The following SH3KBP1 variants were observed in gnomAD, a reference collection of about 807,000 sequenced individuals.
The protein encoded by SH3KBP1 is SH3 domain-containing kinase-binding protein 1.
In SH3KBP1, 8 loss-of-function variants were observed where a neutral mutation model predicts 50.1. That is an observed-to-expected ratio of 0.16 (90% CI 0.09 to 0.29). The LOEUF (loss-of-function observed/expected upper bound fraction) is 0.29, where lower values mean the gene tolerates loss of function less well. SH3KBP1 is among the 10% of genes least tolerant of loss of function. The probability of loss-of-function intolerance (pLI) is 1.00; values close to 1 mark genes in which losing one functional copy is unlikely to be tolerated. For synonymous variants in SH3KBP1, 227 were observed against 218.6 expected, an observed-to-expected ratio of 1.04 and a Z score of -0.34; for missense variants, 377 against 535.2, an observed-to-expected ratio of 0.70 and a Z score of 2.92.
At chrX:19,546,712 C>T in intron 14 of SH3KBP1, among the ~76,000 whole-genome samples, 1 of 112,303 alleles carries the variant, frequency 8.9e-6, no homozygotes, top group Middle Eastern at 4.6e-3. Context: ...GCTGCTAAAT[C>T]TCTGCCCTCA....
At position 19,592,079 on chromosome X, in the gene SH3KBP1, T is replaced by C. The variant is rs1280111463; in HGVS notation, c.1126A>G (p.Thr376Ala). 1 of 1,203,962 alleles carries C rather than the reference T, an allele frequency of 8.3e-7. No individual in the cohort carries two copies. Among genetic ancestry groups the C allele is most frequent in the Non-Finnish European group, 1.1e-6 (1 of 888,925 alleles). The change falls in exon 11 of 18, where the codon ACA (threonine) becomes GCA (alanine). Residue 376 changes from threonine to alanine, a missense_variant. Around this residue, in one of 3 missense-constraint regions of SH3KBP1, gnomAD observed 257 missense variants for 374.2 expected, o/e 0.69. Coordinates refer to ENST00000397821, the MANE Select transcript of SH3KBP1 (RefSeq NM_031892.3). ...PERPEMLPNR[T>A]EEKERPEREP... is the part of the protein sequence containing the mutation. The stretch of plus-strand genomic sequence containing the variant: ...ATTGATTTCATACCTTTTTCTTCTG[T>C]TCTGTTTGGAAGCATTTCTGGTCTT...
intron 3 of SH3KBP1, among the ~76,000 whole-genome samples, chrX:19,719,891 A>C (rs1447966740): frequency 5.6e-5 from 6 of 106,859 alleles, no homozygotes; most frequent in Non-Finnish European, 1.2e-4. Flanking sequence ...AATAATAATA[A>C]TAATAATAGA....
At chrX:19,628,216 C>T (rs2061498394) in intron 8 of SH3KBP1, among the ~76,000 whole-genome samples, 1 of 112,142 alleles carries the variant, frequency 8.9e-6, no homozygotes, top group Admixed American at 9.5e-5. Context: ...TTTTAACCTA[C>T]TTAACGTCAT....
intron 7 of SH3KBP1, among the ~76,000 whole-genome samples, chrX:19,636,585 CATA>C (rs1793338737): frequency 8.9e-6 from 1 of 111,794 alleles, no homozygotes. Context: ...TAGAAATTTA[CATA>C]ATATTAAAAA....
intron 2 of SH3KBP1, among the ~76,000 whole-genome samples, chrX:19,823,056 T>A (rs908255400): frequency 9.0e-6 from 1 of 111,627 alleles, no homozygotes; most frequent in Non-Finnish European, 1.9e-5. Flanking sequence ...ATTCCTTTAA[T>A]TAATTCCTTT....
At position 19,857,120 on chromosome X, in the gene SH3KBP1, G is replaced by A. The variant is rs185775018; in HGVS notation, c.5-20838C>T. ...CCTCTCTCAGAGCTTTCCAACCTAA[G>A]GACTGGAGGCGGGGAGGGCAGGGTG... On this transcript the variant is annotated intron_variant, in intron 1 of 17. Transcript: ENST00000397821. 8.4e-3 allele frequency among the ~76,000 whole-genome samples: 904 copies of A among 107,774 alleles called. 15 individuals carry two copies. Among genetic ancestry groups the A allele is most frequent in the African/African-American group, 0.029 (852 of 29,649 alleles). The allele number at this position is 107,774 out of a possible 115,157, so 93.6% of individuals were successfully genotyped here. A position where few individuals can be genotyped will look rare whatever the true frequency, so the allele number is the denominator to read the frequency against.
At chrX:19,770,210 C>G (rs2065747844) in intron 2 of SH3KBP1, among the ~76,000 whole-genome samples, 1 of 111,387 alleles carries the variant, frequency 9.0e-6, no homozygotes, top group Non-Finnish European at 1.9e-5. Flanking sequence ...ACCCTCTACC[C>G]TTAAGTAGGC....
At chrX:19,871,126 A>G (rs1421792696) in intron 1 of SH3KBP1, among the ~76,000 whole-genome samples, 1 of 112,469 alleles carries the variant, frequency 8.9e-6, no homozygotes, top group Non-Finnish European at 1.9e-5. Flanking sequence ...TAAAATTTAT[A>G]TCTTTCCTTC....
chrX:19,541,891 G>C (rs750621543), intron 16 of SH3KBP1, 34 bp downstream of exon 16: 14 of 1,180,972 alleles, frequency 1.2e-5, no homozygotes, highest in Non-Finnish European at 1.6e-5. Context: ...AGAGCAACCT[G>C]GGTGACGGCC....
At chrX:19,639,482 A>G (rs2061799966) in intron 7 of SH3KBP1, among the ~76,000 whole-genome samples, 1 of 111,441 alleles carries the variant, frequency 9.0e-6, no homozygotes, top group African/African-American at 3.3e-5. Context: ...AGTCTTTGGG[A>G]GAAAGAAAAC....
At chrX:19,540,988 C>G (rs56088369) in intron 16 of SH3KBP1, among the ~76,000 whole-genome samples, 6,839 of 110,229 alleles carry the variant, frequency 0.062, 553 homozygotes, top group African/African-American at 0.21. Flanking sequence ...AATCTTGGCT[C>G]ACTGCAACCT....
intron 6 of SH3KBP1, among the ~76,000 whole-genome samples, chrX:19,673,243 C>G (rs1940730234): frequency 9.0e-6 from 1 of 110,782 alleles, no homozygotes; most frequent in South Asian, 3.8e-4. Flanking sequence ...AAAGATAAAC[C>G]TGCTGAATGC....
intron 8 of SH3KBP1, among the ~76,000 whole-genome samples, chrX:19,610,589 C>T (rs190829480): frequency 1.8e-5 from 2 of 111,866 alleles, no homozygotes; most frequent in African/African-American, 6.5e-5. Context: ...TATATTTAAG[C>T]TCTGTAAGCA....
chrX:19,543,533 T>C (rs920506542), intron 15 of SH3KBP1, among the ~76,000 whole-genome samples: 1 of 111,381 alleles, frequency 9.0e-6, no homozygotes, highest in African/African-American at 3.3e-5. Flanking sequence ...TCCTGGCAGA[T>C]GACCACCTGG....
chrX:19,828,430 G>C (rs1265748135), intron 2 of SH3KBP1, among the ~76,000 whole-genome samples: 3 of 111,679 alleles, frequency 2.7e-5, no homozygotes, highest in African/African-American at 9.8e-5. Flanking sequence ...CCCAACACTT[G>C]GGCAGGCCAA....
chrX:19,865,974 T>C (rs1199599892), intron 1 of SH3KBP1, among the ~76,000 whole-genome samples: 1 of 111,962 alleles, frequency 8.9e-6, no homozygotes, highest in East Asian at 2.8e-4. Context: ...TTCTAAGCAA[T>C]TACTCCCTAG....
At chrX:19,872,607 TA>T (rs762684196) in intron 1 of SH3KBP1, among the ~76,000 whole-genome samples, 8 of 104,895 alleles carry the variant, frequency 7.6e-5, no homozygotes, top group Admixed American at 2.1e-4. Context: ...TCATCTCTGC[TA>T]AAAAAAAAAT....
chrX:19,747,411 A>C (rs1197800491), intron 2 of SH3KBP1, among the ~76,000 whole-genome samples: 2 of 111,507 alleles, frequency 1.8e-5, no homozygotes, highest in African/African-American at 6.5e-5. Flanking sequence ...GAAAAGTGAA[A>C]GCTTAGGGGC....
intron 8 of SH3KBP1, among the ~76,000 whole-genome samples, chrX:19,611,773 T>C (rs781274429): frequency 9.0e-6 from 1 of 110,659 alleles, no homozygotes; most frequent in South Asian, 3.8e-4. Flanking sequence ...TTCTGCTTCT[T>C]AAGGAAAACA....
Sources: gnomAD v4.1 joint callset for allele counts (sites outside exome capture counted in the v4.1 genomes callset) on GRCh38, gnomAD v4.1.1 for gene constraint, gnomAD v4.1.1 regional missense constraint, MANE v1.5 for transcripts, NCBI Gene and HGNC (gene_info 2026-07-23, HGNC 2026-07-21) for gene names.